The following SLC35F3 variants were observed in gnomAD, a reference collection of about 807,000 sequenced individuals.
SLC35F3 encodes putative thiamine transporter SLC35F3.
SLC35F3 carries 25 observed loss-of-function variants against 49.9 expected under a neutral mutation model. The observed-to-expected ratio is 0.50, with a 90% confidence interval of 0.37 to 0.70. SLC35F3 has a LOEUF of 0.70. Among genes scored for constraint, SLC35F3 ranks in the 30% least tolerant of loss-of-function variants. The pLI, the probability that SLC35F3 is intolerant of heterozygous loss-of-function variation, is 0.00. For missense variants in SLC35F3, 525 were observed against 639.8 expected (o/e 0.82, Z 1.94); for synonymous variants, 275 against 265.4 (o/e 1.04, Z -0.35).
intron 2 of SLC35F3, among the ~76,000 whole-genome samples, chr1:234,017,200 C>G (rs1418734284): frequency 2.0e-5 from 3 of 152,208 alleles, no homozygotes; most frequent in Non-Finnish European, 4.4e-5. Context: ...GCTGCCAACA[C>G]CAAAGCTAGG....
intron 2 of SLC35F3, among the ~76,000 whole-genome samples, chr1:234,166,266 C>G (rs186671722): frequency 4.0e-4 from 61 of 152,246 alleles, no homozygotes; most frequent in Non-Finnish European, 4.4e-5. Context: ...GTCAACATCC[C>G]CCACCAGAGC....
intron 2 of SLC35F3, among the ~76,000 whole-genome samples, chr1:233,990,877 A>G (rs1253388051): frequency 6.6e-6 from 1 of 152,224 alleles, no homozygotes; most frequent in East Asian, 1.9e-4. Context: ...CATCTGTTGT[A>G]AAGGTATGTA....
chr1:234,267,244 A>G (rs969537486), intron 3 of SLC35F3, among the ~76,000 whole-genome samples: 2 of 121,712 alleles, frequency 1.6e-5, no homozygotes, highest in African/African-American at 3.4e-5. Context: ...TTTTCTTAGT[A>G]CAGAACAAAA....
intron 2 of SLC35F3, among the ~76,000 whole-genome samples, chr1:234,172,494 T>C (rs1666413473): frequency 6.6e-6 from 1 of 152,248 alleles, no homozygotes; most frequent in Non-Finnish European, 1.5e-5. Context: ...CCCGAAGTGC[T>C]AGGATTACAG....
At chr1:234,215,991 G>T (rs537763596) in intron 2 of SLC35F3, among the ~76,000 whole-genome samples, 2 of 152,324 alleles carry the variant, frequency 1.3e-5, no homozygotes, top group South Asian at 2.1e-4. Context: ...TCTTTAGGAG[G>T]TTGGGTTTTT....
chr1:234,241,712 G>A (rs1667555020), intron 3 of SLC35F3, among the ~76,000 whole-genome samples: 4 of 147,890 alleles, frequency 2.7e-5, no homozygotes, highest in Non-Finnish European at 5.9e-5. Context: ...TCCAGCCTGG[G>A]CAACAAGAGT....
intron 2 of SLC35F3, among the ~76,000 whole-genome samples, chr1:234,103,404 G>A (rs1665240851): frequency 6.6e-6 from 1 of 152,168 alleles, no homozygotes; most frequent in Non-Finnish European, 1.5e-5. Context: ...GGGTGGGGAA[G>A]GGTGAGGTGG....
intron 2 of SLC35F3, among the ~76,000 whole-genome samples, chr1:234,223,878 C>T (rs1409876496): frequency 2.0e-5 from 3 of 152,174 alleles, no homozygotes; most frequent in African/African-American, 7.2e-5. Context: ...GGGGAGGGCT[C>T]TCTTCTTGGT....
intron 2 of SLC35F3, among the ~76,000 whole-genome samples, chr1:234,011,878 G>C (rs529859318): frequency 6.6e-6 from 1 of 152,128 alleles, no homozygotes; most frequent in East Asian, 1.9e-4. Flanking sequence ...ACTGAGAAAA[G>C]AAATAAGACA....
At chr1:234,229,532 A>G (rs549803872) in intron 2 of SLC35F3, among the ~76,000 whole-genome samples, 1 of 152,386 alleles carries the variant, frequency 6.6e-6, no homozygotes, top group African/African-American at 2.4e-5. Context: ...TTAATTTGCT[A>G]TAATGAAAAC....
At chr1:234,115,162 G>C (rs944988215) in intron 2 of SLC35F3, among the ~76,000 whole-genome samples, 2 of 152,150 alleles carry the variant, frequency 1.3e-5, no homozygotes, top group African/African-American at 4.8e-5. Flanking sequence ...GTAAGGAAGT[G>C]TCTAAGAATC....
At chr1:234,000,230 T>G (rs1394230383) in intron 2 of SLC35F3, among the ~76,000 whole-genome samples, 1 of 152,186 alleles carries the variant, frequency 6.6e-6, no homozygotes, top group Non-Finnish European at 1.5e-5. Context: ...CAGCTCCCTA[T>G]TCCTAGTGCA....
chr1:234,117,702 T>A (rs566264238), intron 2 of SLC35F3, among the ~76,000 whole-genome samples: 3 of 151,024 alleles, frequency 2.0e-5, no homozygotes, highest in African/African-American at 7.3e-5. Flanking sequence ...CTGGCTAACA[T>A]GGTGAAACCC....
chr1:234,137,717 G>A (rs562120522), intron 2 of SLC35F3, among the ~76,000 whole-genome samples: 5 of 152,314 alleles, frequency 3.3e-5, no homozygotes, highest in South Asian at 2.1e-4. Flanking sequence ...GAAAGTATGC[G>A]TTGGAAAGAG....
chr1:234,166,442 TA>T (rs1666322405), intron 2 of SLC35F3, among the ~76,000 whole-genome samples: 1 of 152,248 alleles, frequency 6.6e-6, no homozygotes. Context: ...AGCTTAATTT[TA>T]ATAATAGAGA....
At chr1:233,983,983 C>T (rs1028748948) in intron 2 of SLC35F3, among the ~76,000 whole-genome samples, 8 of 152,186 alleles carry the variant, frequency 5.3e-5, no homozygotes, top group South Asian at 2.1e-4. Flanking sequence ...TCATACCCAA[C>T]GCATTTGATT....
chr1:234,052,394 A>G (rs914552764), intron 2 of SLC35F3, among the ~76,000 whole-genome samples: 9 of 152,072 alleles, frequency 5.9e-5, no homozygotes, highest in African/African-American at 2.2e-4. Context: ...GAATTTATCC[A>G]TTTCTTCTAG....
intron 2 of SLC35F3, among the ~76,000 whole-genome samples, chr1:234,227,753 G>C (rs1311251342): frequency 1.3e-5 from 2 of 152,156 alleles, no homozygotes; most frequent in African/African-American, 4.8e-5. Flanking sequence ...GGCAACACTT[G>C]ACCTGAAATT....
At chr1:234,117,669 G>A (rs1044529932) in intron 2 of SLC35F3, among the ~76,000 whole-genome samples, 2 of 150,704 alleles carry the variant, frequency 1.3e-5, no homozygotes, top group Admixed American at 6.7e-5. Flanking sequence ...GGTGGATCAC[G>A]AGGTCAGGAG....
Sources: allele counts gnomAD v4.1 joint callset (sites outside exome capture counted in the v4.1 genomes callset), GRCh38; gene constraint gnomAD v4.1.1; transcripts MANE v1.5; gene names NCBI Gene and HGNC (gene_info 2026-07-23, HGNC 2026-07-21).